The following ATRNL1 variants were observed in gnomAD, a reference collection of about 807,000 sequenced individuals.
ATRNL1 encodes attractin-like protein 1.
ATRNL1 carries 95 observed loss-of-function variants against 182.7 expected under a neutral mutation model. The observed-to-expected ratio is 0.52, with a 90% confidence interval of 0.44 to 0.62. The LOEUF (loss-of-function observed/expected upper bound fraction) is 0.62. Ranked by LOEUF, ATRNL1 falls within the 20% of genes least tolerant of loss-of-function variation. The pLI is 0.00. For synonymous variants in ATRNL1, 576 were observed against 568.3 expected, an observed-to-expected ratio of 1.01 and a Z score of -0.19; for missense variants, 1,471 against 1,679.5, an observed-to-expected ratio of 0.88 and a Z score of 2.17.
intron 27 of ATRNL1, among the ~76,000 whole-genome samples, chr10:115,787,609 G>A (rs569725000): frequency 1.3e-5 from 2 of 152,106 alleles, no homozygotes; most frequent in East Asian, 3.9e-4. Flanking sequence ...CTATACTGGA[G>A]TGTTATTTCT....
At chr10:115,276,687 T>C (rs1395740539) in intron 13 of ATRNL1, among the ~76,000 whole-genome samples, 1 of 152,176 alleles carries the variant, frequency 6.6e-6, no homozygotes, top group Admixed American at 6.5e-5. Flanking sequence ...TTCTCACATA[T>C]TTTCATTTAC....
chr10:115,502,178 A>G (rs1054884493), intron 24 of ATRNL1, among the ~76,000 whole-genome samples: 5 of 152,162 alleles, frequency 3.3e-5, no homozygotes, highest in African/African-American at 1.2e-4. Context: ...CATATCAATA[A>G]TGTATTTATA....
chr10:115,120,064 C>T, intron 1 of ATRNL1, 121 bp from the exon 2 acceptor site: 2 of 589,352 alleles, frequency 3.4e-6, no homozygotes, highest in Non-Finnish European at 5.9e-6. Flanking sequence ...ATAAATCCTC[C>T]TTTTTGAAAA....
chr10:115,514,519 G>T (rs909104773), intron 24 of ATRNL1, among the ~76,000 whole-genome samples: 8 of 151,746 alleles, frequency 5.3e-5, no homozygotes, highest in Non-Finnish European at 1.0e-4. Context: ...CCTATGTCTT[G>T]CTTACTTGCC....
chr10:115,267,220 A>G (rs1851644738), intron 12 of ATRNL1, among the ~76,000 whole-genome samples: 2 of 150,540 alleles, frequency 1.3e-5, no homozygotes, highest in African/African-American at 4.9e-5. Flanking sequence ...TATATATAGT[A>G]TATATATCAA....
chr10:115,475,407 G>A (rs1156870077), intron 24 of ATRNL1, among the ~76,000 whole-genome samples: 3 of 151,466 alleles, frequency 2.0e-5, no homozygotes, highest in African/African-American at 7.3e-5. Context: ...TATGATGTCA[G>A]TAATGATGTT....
chr10:115,118,874 G>C (rs1554870717), intron 1 of ATRNL1, among the ~76,000 whole-genome samples: 3 of 152,116 alleles, frequency 2.0e-5, no homozygotes, highest in African/African-American at 7.2e-5. Context: ...GTCTTCAGTG[G>C]AGAGTTTTTC....
intron 17 of ATRNL1, among the ~76,000 whole-genome samples, chr10:115,305,858 A>G (rs2133988996): frequency 6.6e-6 from 1 of 152,126 alleles, no homozygotes; most frequent in African/African-American, 2.4e-5. Context: ...TGATTAGGAA[A>G]TGAAACAAGA....
chr10:115,900,858 C>A (rs953839945), intron 28 of ATRNL1, among the ~76,000 whole-genome samples: 3 of 151,942 alleles, frequency 2.0e-5, no homozygotes, highest in African/African-American at 4.8e-5. Context: ...GCAAAAAGGG[C>A]AAAAGATTAA....
intron 26 of ATRNL1, among the ~76,000 whole-genome samples, chr10:115,575,031 T>C (rs1801972064): frequency 6.6e-6 from 1 of 152,172 alleles, no homozygotes; most frequent in African/African-American, 2.4e-5. Flanking sequence ...AAATAGAATC[T>C]TAGTAAACAT....
At chr10:115,305,575 G>C (rs73363458) in intron 17 of ATRNL1, among the ~76,000 whole-genome samples, 1 of 152,132 alleles carries the variant, frequency 6.6e-6, no homozygotes. Flanking sequence ...GAATACAAGA[G>C]TTGAAGACTT....
chr10:115,713,442 G>A (rs921029002), intron 26 of ATRNL1, among the ~76,000 whole-genome samples: 9 of 21,440 alleles, frequency 4.2e-4, no homozygotes, highest in Non-Finnish European at 1.3e-3. Context: ...AGGGAAAGTG[G>A]CTGTGTGTGT....
At chr10:115,536,520 T>G (rs1054829951) in intron 25 of ATRNL1, among the ~76,000 whole-genome samples, 6 of 152,200 alleles carry the variant, frequency 3.9e-5, no homozygotes, top group African/African-American at 1.4e-4. Context: ...CTGTCACCCC[T>G]TTCTTTGACT....
At chr10:115,483,838 TATTC>T (rs1159531914) in intron 24 of ATRNL1, among the ~76,000 whole-genome samples, 1 of 151,640 alleles carries the variant, frequency 6.6e-6, no homozygotes, top group Non-Finnish European at 1.5e-5. Context: ...CTTATTGAAA[TATTC>T]ATTATTTTTG....
At chr10:115,110,703 A>G (rs1010610) in intron 1 of ATRNL1, among the ~76,000 whole-genome samples, 1 of 151,996 alleles carries the variant, frequency 6.6e-6, no homozygotes, top group African/African-American at 2.4e-5. Flanking sequence ...AGCAATACAT[A>G]GTTGAAAAAA....
intron 27 of ATRNL1, among the ~76,000 whole-genome samples, chr10:115,729,783 A>G (rs1375994923): frequency 6.6e-6 from 1 of 151,968 alleles, no homozygotes; most frequent in African/African-American, 2.4e-5. Flanking sequence ...TTCTCCTTCC[A>G]TATGTTAATA....
intron 26 of ATRNL1, among the ~76,000 whole-genome samples, chr10:115,584,581 G>A (rs1339685012): frequency 2.1e-5 from 3 of 141,292 alleles, no homozygotes; most frequent in Non-Finnish European, 4.6e-5. Flanking sequence ...TATTTCTCTG[G>A]GATCGGTGGT....
intron 18 of ATRNL1, among the ~76,000 whole-genome samples, chr10:115,318,320 T>C (rs1554930353): frequency 6.6e-6 from 1 of 152,204 alleles, no homozygotes; most frequent in Non-Finnish European, 1.5e-5. Context: ...TTCACATCGA[T>C]ATTCATCAGG....
In ATRNL1 at chr10:115,120,260, T is replaced by C. The variant is rs782009379; in HGVS notation, c.369T>C (p.Ile123=). The change falls in exon 2 of 29, where the codon ATT becomes ATC. Residue 123 remains isoleucine (I), a synonymous_variant. Transcript: ENST00000355044. The stretch of plus-strand genomic sequence containing the variant: ...ATAAAACTAAATGTACTTGGCTCAT[T>C]GAAGGCTAGTAAGTATACAGTCTGA... The part of the protein sequence containing the change: ...YKYKTKCTWL[I]EGYPNAVLRL... 1.3e-6 allele frequency: 2 copies of C among 1,525,788 alleles called. No homozygotes were observed. The highest frequency in any genetic ancestry group is 2.3e-5 in the South Asian group (2 of 87,636). 94.5% of individuals were successfully genotyped at this position (1,525,788 alleles called of 1,614,324 possible). A position where few individuals can be genotyped will look rare whatever the true frequency, so the allele number is the denominator to read the frequency against.
Sources: gnomAD v4.1 joint callset for allele counts (sites outside exome capture counted in the v4.1 genomes callset) on GRCh38, gnomAD v4.1.1 for gene constraint, MANE v1.5 for transcripts, NCBI Gene and HGNC (gene_info 2026-07-23, HGNC 2026-07-21) for gene names.